The following DAPK1 variants were observed in gnomAD, a reference collection of about 807,000 sequenced individuals.
DAPK1 encodes death-associated protein kinase 1.
DAPK1 carries 56 observed loss-of-function variants against 144.9 expected under a neutral mutation model. That is an observed-to-expected ratio of 0.39 (90% CI 0.31 to 0.48). DAPK1 has a LOEUF of 0.48. Among genes scored for constraint, DAPK1 ranks in the 20% least tolerant of loss-of-function variants. The pLI is 0.95. For missense variants in DAPK1, 1,454 were observed against 1,875.4 expected (o/e 0.78, Z 4.15); for synonymous variants, 690 against 749.0 (o/e 0.92, Z 1.29).
chr9:87,590,105 G>A (rs1828072168), intron 2 of DAPK1, among the ~76,000 whole-genome samples: 1 of 152,058 alleles, frequency 6.6e-6, no homozygotes, highest in African/African-American at 2.4e-5. Flanking sequence ...GAATTAATAA[G>A]CCAATTAATC....
At chr9:87,659,826 C>T (rs960582763) in intron 18 of DAPK1, among the ~76,000 whole-genome samples, 1 of 150,018 alleles carries the variant, frequency 6.7e-6, no homozygotes, top group Non-Finnish European at 1.5e-5. Context: ...GCACACACCG[C>T]ACCCGCAGTC....
chr9:87,704,367 A>C (rs920342765), intron 25 of DAPK1, among the ~76,000 whole-genome samples: 5 of 152,198 alleles, frequency 3.3e-5, no homozygotes, highest in African/African-American at 1.2e-4. Context: ...TTTATTTGTC[A>C]TTACATCCCT....
In DAPK1 at chr9:87,706,294, G is replaced by A. The variant is rs1293639768; in HGVS notation, c.3223G>A (p.Asp1075Asn). The change falls in exon 26 of 26, where the codon GAC becomes AAC. Residue 1075 changes from aspartate (D) to asparagine (N), a missense_variant. This residue lies in a region of DAPK1 where 1,025 missense variants were observed against 1,237.9 expected (regional missense o/e 0.83). Coordinates refer to ENST00000408954, the MANE Select transcript of DAPK1 (RefSeq NM_004938.4). This position sits in a 1 kb window ranked among gnomAD's most constrained non-coding sequence, Gnocchi z 9.0. The stretch of plus-strand genomic sequence containing the variant: ...GGAGGACATCCAGCGCCTGGTGCCC[G>A]ACAGCGACGTGGAGGAGCTGCTGCA... ...TVEDIQRLVP[D>N]SDVEELLQIL... 3 of 1,611,830 alleles carry A rather than the reference G, an allele frequency of 1.9e-6. No individual in the cohort carries two copies. The highest frequency in any genetic ancestry group is 2.5e-6 in the Non-Finnish European group (3 of 1,178,804).
rs898060843 is a variant in DAPK1 at position 87,582,352 on chromosome 9, G to A, written c.63-22602G>A. Among the ~76,000 whole-genome samples, 8 of 152,282 alleles carry A rather than the reference G, an allele frequency of 5.3e-5. No individual in the cohort carries two copies. The East Asian group carries it at 9.7e-4, about 18-fold the overall frequency. ...TCATTAGCGTCTCTGGGACTGAAGC[G>A]TCTAGCCTGTTGGAGCTTAGTAATG... On this transcript the variant is annotated intron_variant, in intron 2 of 25. Coordinates refer to ENST00000408954, the MANE Select transcript of DAPK1 (RefSeq NM_004938.4).
chr9:87,677,071 G>A (rs1824412478), intron 19 of DAPK1, among the ~76,000 whole-genome samples: 1 of 152,228 alleles, frequency 6.6e-6, no homozygotes, highest in Non-Finnish European at 1.5e-5. Context: ...TGTGAGTGAA[G>A]GCATAGCATG....
intron 1 of DAPK1, 24 bp downstream of exon 1, chr9:87,498,131 C>G: frequency 2.5e-6 from 1 of 397,362 alleles, no homozygotes; most frequent in Non-Finnish European, 4.4e-6. Flanking sequence ...CGCGGCTCCC[C>G]GGTCCCCCCG....
chr9:87,571,000 T>C (rs1051717757), intron 2 of DAPK1, among the ~76,000 whole-genome samples: 16 of 152,084 alleles, frequency 1.1e-4, no homozygotes, highest in Non-Finnish European at 4.4e-5. Context: ...TTCAGTGAAC[T>C]GGACTGGAAC....
chr9:87,706,300 G>A lies in DAPK1; in HGVS notation c.3229G>A (p.Asp1077Asn), dbSNP rs776053489. ...CATCCAGCGCCTGGTGCCCGACAGC[G>A]ACGTGGAGGAGCTGCTGCAGATCCT... ...EDIQRLVPDSDVEELLQILDA... is the reference protein window; with the variant it reads ...EDIQRLVPDSNVEELLQILDA... The change falls in exon 26 of 26, where the codon GAC (aspartate) becomes AAC (asparagine). Residue 1077 changes from aspartate to asparagine, a missense_variant. By Grantham distance (23) the Asp-to-Asn change is conservative. Transcript: ENST00000408954. This position sits in a 1 kb window ranked among gnomAD's most constrained non-coding sequence, Gnocchi z 9.0. 46 of 1,611,148 alleles carry A rather than the reference G, an allele frequency of 2.9e-5. No homozygotes were observed. Among genetic ancestry groups the A allele is most frequent in the Non-Finnish European group, 3.5e-5 (41 of 1,178,402 alleles).
At chr9:87,632,759 G>T (rs943492639) in intron 3 of DAPK1, 8 of 981,892 alleles carry the variant, frequency 8.1e-6, no homozygotes, top group Non-Finnish European at 8.5e-6. Flanking sequence ...GAAGAAGGAG[G>T]ATGAGTATAT....
At chr9:87,687,946 C>T (rs111785150) in intron 21 of DAPK1, among the ~76,000 whole-genome samples, 1,765 of 152,162 alleles carry the variant, frequency 0.012, 14 homozygotes, top group South Asian at 0.022. Flanking sequence ...TGTATGTCTT[C>T]TTTTAAGAAA....
Position 87,600,431 on chromosome 9 carries a change from A to T in DAPK1, c.63-4523A>T, listed in dbSNP as rs993962101. On this transcript the variant is annotated intron_variant, in intron 2 of 25. Transcript: ENST00000408954. The stretch of plus-strand genomic sequence containing the variant: ...GCGAGACTCTATCTCTGCAAAAAAG[A>T]AAAAAAAGAAAATTAGCTGGGTGTG... Among the ~76,000 whole-genome samples the T allele has an allele frequency of 2.0e-5, 3 of 151,996 alleles. No individual in the cohort carries two copies. The South Asian group carries it at 6.2e-4, about 32-fold the overall frequency.
At chr9:87,685,483 T>C (rs1824807999) in intron 20 of DAPK1, among the ~76,000 whole-genome samples, 2 of 152,228 alleles carry the variant, frequency 1.3e-5, no homozygotes, top group South Asian at 4.1e-4. Flanking sequence ...TTAAGATCAA[T>C]GAATCCCTTC....
chr9:87,545,050 T>C (rs2118502974), intron 2 of DAPK1, among the ~76,000 whole-genome samples: 1 of 152,346 alleles, frequency 6.6e-6, no homozygotes, highest in East Asian at 1.9e-4. Context: ...CGGAATTTGA[T>C]GGATGGCTTT....
chr9:87,667,825 C>T (rs1831110842), intron 18 of DAPK1: 1 of 152,006 alleles, frequency 6.6e-6, no homozygotes, highest in Non-Finnish European at 1.5e-5. Flanking sequence ...CCCTTTTCTC[C>T]CCAGTGGCAG....
intron 11 of DAPK1, among the ~76,000 whole-genome samples, chr9:87,644,449 A>C (rs1830201075): frequency 1.3e-5 from 2 of 152,118 alleles, no homozygotes; most frequent in African/African-American, 4.8e-5. Flanking sequence ...TGGGAACTGC[A>C]AACACCAAGC....
Position 87,639,398 on chromosome 9 carries a change from G to A in DAPK1, c.468G>A (p.Arg156=). Residue 156 remains arginine, a synonymous_variant, in exon 5 of 26, where the codon CGG becomes CGA. Coordinates refer to ENST00000408954, the MANE Select transcript of DAPK1 (RefSeq NM_004938.4). ...TGGATAGAAATGTCCCCAAACCTCG[G>A]ATCAAGATCATTGACTTTGGGTTGG... The part of the protein sequence containing the change: ...MLLDRNVPKP[R]IKIIDFGLAH... The A allele has an allele frequency of 1.2e-6, 2 of 1,612,638 alleles. No homozygotes were observed. The highest frequency in any genetic ancestry group is 1.7e-6 in the Non-Finnish European group (2 of 1,179,652).
At chr9:87,674,412 G>A (rs909289158) in intron 19 of DAPK1, among the ~76,000 whole-genome samples, 1 of 151,564 alleles carries the variant, frequency 6.6e-6, no homozygotes, top group African/African-American at 2.4e-5. Context: ...CTACTCGGGA[G>A]GCTGAGGCAG....
chr9:87,605,254 A>G, intron 3 of DAPK1, 79 bp downstream of exon 3: 3 of 1,198,426 alleles, frequency 2.5e-6, no homozygotes, highest in Non-Finnish European at 3.7e-6. Context: ...GGACCACGCC[A>G]CAGCGAGCCC....
At chr9:87,619,542 G>T (rs574468265) in intron 3 of DAPK1, among the ~76,000 whole-genome samples, 2 of 152,174 alleles carry the variant, frequency 1.3e-5, no homozygotes, top group Admixed American at 6.5e-5. Flanking sequence ...ACTGCTTCCC[G>T]AAGGCTCTGC....
Sources: gnomAD v4.1 joint callset for allele counts (sites outside exome capture counted in the v4.1 genomes callset) on GRCh38, gnomAD v4.1.1 for gene constraint, gnomAD v4.1.1 regional missense constraint, Gnocchi (gnomAD v3.1) non-coding constraint, MANE v1.5 for transcripts, NCBI Gene and HGNC (gene_info 2026-07-23, HGNC 2026-07-21) for gene names.